FLACC1: variants seen among roughly 807,000 people sequenced by gnomAD.
The protein encoded by FLACC1 is flagellum-associated coiled-coil domain-containing protein 1.
FLACC1 carries 66 observed loss-of-function variants against 62.8 expected under a neutral mutation model. That is an observed-to-expected ratio of 1.05 (90% CI 0.86 to 1.29). The LOEUF is 1.29. Among genes scored for constraint, FLACC1 ranks in the 50% most tolerant of loss-of-function variants. The pLI is 0.00. For missense variants in FLACC1, 452 were observed against 489.1 expected, an observed-to-expected ratio of 0.92 and a Z score of 0.71; for synonymous variants, 156 against 161.0, an observed-to-expected ratio of 0.97 and a Z score of 0.24.
intron 11 of FLACC1, among the ~76,000 whole-genome samples, chr2:201,305,386 G>A (rs1232755358): frequency 6.6e-6 from 1 of 152,120 alleles, no homozygotes; most frequent in South Asian, 2.1e-4. Context: ...ACAATGAGAT[G>A]CCATCTCACA....
intron 9 of FLACC1, among the ~76,000 whole-genome samples, chr2:201,324,206 C>T (rs529125057): frequency 1.1e-3 from 174 of 152,216 alleles, no homozygotes; most frequent in Non-Finnish European, 1.9e-3. Context: ...GCAGGAGTAG[C>T]TATTCTTATA....
chr2:201,332,525 G>T (rs775377640), intron 7 of FLACC1, among the ~76,000 whole-genome samples: 38 of 152,160 alleles, frequency 2.5e-4, no homozygotes, highest in Non-Finnish European at 4.0e-4. Context: ...TGAGATTACA[G>T]GCGTGAGCCA....
At chr2:201,363,155 C>T in the FLACC1 span, among the ~76,000 whole-genome samples, 1 of 151,564 alleles carries the variant, frequency 6.6e-6, no homozygotes, top group Non-Finnish European at 1.5e-5. Flanking sequence ...CTGCCTCACC[C>T]TTCATGGACA....
chr2:201,292,405 A>G (rs1435128449), intron 12 of FLACC1, among the ~76,000 whole-genome samples: 3 of 152,208 alleles, frequency 2.0e-5, no homozygotes, highest in South Asian at 2.1e-4. Flanking sequence ...TTCAACCCAG[A>G]ATTTCATATC....
At chr2:201,313,193 T>A (rs1185760414) in intron 9 of FLACC1, among the ~76,000 whole-genome samples, 2 of 152,128 alleles carry the variant, frequency 1.3e-5, no homozygotes, top group Non-Finnish European at 2.9e-5. Flanking sequence ...CAATTCCAAC[T>A]GAATAGGAAA....
At chr2:201,344,407 T>TG in intron 5 of FLACC1, 144 bp from the exon 6 acceptor site, 1 of 485,328 alleles carries the variant, frequency 2.1e-6, no homozygotes, top group Non-Finnish European at 3.8e-6. Context: ...CATTATGGGG[T>TG]GGGGGTGGAG....
intron 7 of FLACC1, among the ~76,000 whole-genome samples, chr2:201,340,477 C>T (rs1950786368): frequency 6.6e-6 from 1 of 152,178 alleles, no homozygotes; most frequent in Admixed American, 6.5e-5. Flanking sequence ...AAGCTGACAA[C>T]AAGTTTAGTT....
Position 201,330,831 on chromosome 2 carries a change from T to A in FLACC1, c.527A>T (p.Glu176Val). 6.2e-7 allele frequency: 1 copy of A among 1,612,582 alleles called. No homozygotes were observed. Among genetic ancestry groups the A allele is most frequent in the Non-Finnish European group, 8.5e-7 (1 of 1,179,856 alleles). The stretch of plus-strand genomic sequence containing the variant: ...TTCTGCTTCATGGGCCTCTTTGAGC[T>A]CCCTGTGGGACCCCAGGAGAAGGCC... The part of the protein sequence containing the change: ...MKQNFENKNR[E>V]LKEAHEAELS... Residue 176 changes from glutamate to valine, a missense_variant and splice_region_variant, in exon 8 of 15, where the codon GAG becomes GTG. Transcript: ENST00000392257.
At chr2:201,354,378 T>C (rs543152577) in intron 1 of FLACC1, among the ~76,000 whole-genome samples, 27 of 152,156 alleles carry the variant, frequency 1.8e-4, no homozygotes, top group Admixed American at 3.3e-4. Context: ...AGGCAGCGTG[T>C]GCAGGGGTTG....
intron 7 of FLACC1, among the ~76,000 whole-genome samples, chr2:201,338,448 G>A (rs1950739411): frequency 6.6e-6 from 1 of 152,082 alleles, no homozygotes; most frequent in Non-Finnish European, 1.5e-5. Context: ...TTGAATAGGA[G>A]CGGTAAAAGT....
At chr2:201,355,599 T>C (rs574763552) in intron 1 of FLACC1, among the ~76,000 whole-genome samples, 7 of 151,162 alleles carry the variant, frequency 4.6e-5, no homozygotes, top group Admixed American at 2.0e-4. Context: ...GTGGCACATG[T>C]CTGTAATCCC....
chr2:201,311,462 C>A (rs1950215728), intron 9 of FLACC1, among the ~76,000 whole-genome samples: 1 of 152,066 alleles, frequency 6.6e-6, no homozygotes, highest in African/African-American at 2.4e-5. Context: ...TGGCTCATAC[C>A]TGTTATCCCA....
At chr2:201,351,510 G>T (rs1951028732) in intron 1 of FLACC1, 59 bp from the exon 2 acceptor site, 1 of 786,906 alleles carries the variant, frequency 1.3e-6, no homozygotes, top group Non-Finnish European at 2.1e-6. Context: ...CAAAAATACA[G>T]AAGAATTGGG....
At chr2:201,344,361 C>T in intron 5 of FLACC1, 98 bp from the exon 6 acceptor site, 2 of 849,588 alleles carry the variant, frequency 2.4e-6, no homozygotes, top group South Asian at 2.8e-5. Context: ...GAGAGCTGGC[C>T]TGGTGAGAGC....
intron 8 of FLACC1, 62 bp downstream of exon 8, chr2:201,330,674 T>A: frequency 6.3e-7 from 1 of 1,577,470 alleles, no homozygotes; most frequent in Non-Finnish European, 8.7e-7. Flanking sequence ...CCCTAGAAGC[T>A]TATTAGAAAT....
At chr2:201,330,307 T>C (rs1406121) in intron 9 of FLACC1, among the ~76,000 whole-genome samples, 163 bp downstream of exon 9, 61,087 of 151,908 alleles carry the variant, frequency 0.4, 13,308 homozygotes, top group South Asian at 0.55. Flanking sequence ...ATGGAAGCCA[T>C]TGGGTTCATC....
intron 7 of FLACC1, among the ~76,000 whole-genome samples, chr2:201,334,958 T>C (rs1057023413): frequency 6.6e-6 from 1 of 152,120 alleles, no homozygotes; most frequent in Non-Finnish European, 1.5e-5. Context: ...TTATTACTTA[T>C]TCAATATCAT....
At chr2:201,332,137 T>G (rs1950606220) in intron 7 of FLACC1, among the ~76,000 whole-genome samples, 1 of 152,110 alleles carries the variant, frequency 6.6e-6, no homozygotes, top group Admixed American at 6.5e-5. Flanking sequence ...ATTGATAACT[T>G]ATAATTATAT....
Position 201,330,456 on chromosome 2 carries a change from G to T in FLACC1, c.675+14C>A, listed in dbSNP as rs1285347126. On this transcript the variant is annotated intron_variant, in intron 9 of 14. Coordinates refer to ENST00000392257, the MANE Select transcript of FLACC1 (RefSeq NM_001127391.3). ...TCCTTCTCTTGTAATCCAACAGGGA[G>T]CTGTGTATCTCACCTGATACGTACG... 1.2e-6 allele frequency: 2 copies of T among 1,609,126 alleles called. No homozygotes were observed. The highest frequency in any genetic ancestry group is 2.2e-5 in the South Asian group (2 of 90,562).
Sources: allele counts gnomAD v4.1 joint callset (sites outside exome capture counted in the v4.1 genomes callset), GRCh38; gene constraint gnomAD v4.1.1; transcripts MANE v1.5; gene names NCBI Gene and HGNC (gene_info 2026-07-23, HGNC 2026-07-21).